The following TMEM272 variants were observed in gnomAD, a reference collection of about 807,000 sequenced individuals.
TMEM272 encodes the protein long intergenic non-protein coding RNA 282.
A neutral mutation model predicts 3.7 loss-of-function variants in TMEM272; 8 were observed. That is an observed-to-expected ratio of 2.17 (90% CI 1.27 to 3.91). The LOEUF (loss-of-function observed/expected upper bound fraction) is 3.91, where lower values mean the gene tolerates loss of function less well. Among genes scored for constraint, TMEM272 ranks in the 30% most tolerant of loss-of-function variants. The pLI is 0.00. For missense variants in TMEM272, 166 were observed against 91.5 expected (o/e 1.81, Z -3.32); for synonymous variants, 63 against 39.8 (o/e 1.58, Z -2.20).
the TMEM272 span, among the ~76,000 whole-genome samples, chr13:51,918,973 C>T: frequency 6.6e-6 from 1 of 151,954 alleles, no homozygotes; most frequent in South Asian, 2.1e-4. Context: ...ATTTTTCTTT[C>T]CTGGACCTCC....
the TMEM272 span, among the ~76,000 whole-genome samples, chr13:51,919,370 A>G: frequency 2.6e-5 from 4 of 152,206 alleles, no homozygotes; most frequent in Non-Finnish European, 5.9e-5. Context: ...TTTAGAAATA[A>G]CAAGTTACAA....
the TMEM272 span, among the ~76,000 whole-genome samples, chr13:51,919,464 G>C: frequency 6.6e-6 from 1 of 152,004 alleles, no homozygotes; most frequent in East Asian, 1.9e-4. Flanking sequence ...TCTGAACTTG[G>C]TATATAGCCC....
intron 2 of TMEM272, among the ~76,000 whole-genome samples, chr13:51,838,223 T>G (rs557613461): frequency 2.6e-5 from 4 of 152,296 alleles, no homozygotes; most frequent in African/African-American, 9.6e-5. Context: ...CACATGCATA[T>G]TTTTCAAACA....
chr13:51,885,924 G>A, the TMEM272 span, among the ~76,000 whole-genome samples: 2 of 152,134 alleles, frequency 1.3e-5, no homozygotes, highest in Admixed American at 6.5e-5. Flanking sequence ...AAAATATAGC[G>A]AGGGCCATAT....
At chr13:51,849,204 A>G (rs1232049195), upstream of TMEM272, among the ~76,000 whole-genome samples, 4 of 152,230 alleles carry the variant, frequency 2.6e-5, no homozygotes, top group Admixed American at 6.5e-5. Context: ...CCCCTGACCC[A>G]TGCTGCAAAC....
At chr13:51,929,405 T>A in the TMEM272 span, among the ~76,000 whole-genome samples, 1 of 152,232 alleles carries the variant, frequency 6.6e-6, no homozygotes, top group Non-Finnish European at 1.5e-5. Context: ...TCCAGCCTCA[T>A]GCTCTTCCCC....
chr13:51,859,505 AACACAC>A, the TMEM272 span, among the ~76,000 whole-genome samples: 4,593 of 129,912 alleles, frequency 0.035, 210 homozygotes, highest in African/African-American at 0.11. Flanking sequence ...CTCCCAACCA[AACACAC>A]ACACACACAC....
chr13:51,934,336 T>G, the TMEM272 span: 1 of 296,252 alleles, frequency 3.4e-6, no homozygotes. Flanking sequence ...CAGACAGGCG[T>G]CATCAGAAAG....
rs1025336060 is a variant in TMEM272, at chr13:51,815,475, G to A, written c.*1276C>T. 6.6e-6 allele frequency: 1 copy of A among 152,526 alleles called. No homozygotes were observed. Among genetic ancestry groups the A allele is most frequent in the African/African-American group, 2.4e-5 (1 of 41,426 alleles). 9.4% of individuals were successfully genotyped at this position (152,526 alleles called of 1,614,324 possible). ...GAGCTGACACTTCTGATGAAGGGAG[G>A]TGCCTCCATTCATGGCCACTCAGGG... On this transcript the variant is annotated 3_prime_UTR_variant, in exon 5 of 5. Coordinates refer to ENST00000629372, the MANE Select transcript of TMEM272 (RefSeq NM_001351003.2).
At chr13:51,869,936 T>C in the TMEM272 span, among the ~76,000 whole-genome samples, 1 of 152,238 alleles carries the variant, frequency 6.6e-6, no homozygotes, top group Admixed American at 6.5e-5. Flanking sequence ...GTTCGGATCC[T>C]TCCGAGGTAG....
the TMEM272 span, among the ~76,000 whole-genome samples, chr13:51,912,972 A>G: frequency 6.6e-6 from 1 of 152,248 alleles, no homozygotes; most frequent in East Asian, 1.9e-4. Flanking sequence ...CAGGACTAAC[A>G]GGTGTCCACT....
At chr13:51,928,123 G>C in the TMEM272 span, among the ~76,000 whole-genome samples, 1 of 151,784 alleles carries the variant, frequency 6.6e-6, no homozygotes, top group Non-Finnish European at 1.5e-5. Flanking sequence ...CTGGTGTCCA[G>C]TAACTGGACA....
At chr13:51,851,848 T>C in the TMEM272 span, among the ~76,000 whole-genome samples, 1 of 152,196 alleles carries the variant, frequency 6.6e-6, no homozygotes, top group African/African-American at 2.4e-5. Flanking sequence ...TACAGCTGCA[T>C]AGTACTTTGC....
At chr13:51,878,452 A>C in the TMEM272 span, among the ~76,000 whole-genome samples, 1 of 151,952 alleles carries the variant, frequency 6.6e-6, no homozygotes, top group African/African-American at 2.4e-5. Context: ...AACAAAACAA[A>C]AACTATCAGA....
intron 4 of TMEM272, among the ~76,000 whole-genome samples, chr13:51,817,832 C>CT (rs1956047231): frequency 1.3e-5 from 2 of 152,148 alleles, no homozygotes; most frequent in Non-Finnish European, 2.9e-5. Flanking sequence ...GGTAGATGGT[C>CT]CCTGACTCCA....
chr13:51,929,545 T>C, the TMEM272 span, among the ~76,000 whole-genome samples: 3 of 152,268 alleles, frequency 2.0e-5, no homozygotes, highest in African/African-American at 7.2e-5. Flanking sequence ...TAAGCCACAC[T>C]GTCCTGCCAA....
At chr13:51,820,885 C>T (rs1299368464) in intron 4 of TMEM272, among the ~76,000 whole-genome samples, 1 of 152,190 alleles carries the variant, frequency 6.6e-6, no homozygotes, top group African/African-American at 2.4e-5. Context: ...CATTTTAGGA[C>T]ACTGCCCACC....
chr13:51,854,621 C>T, the TMEM272 span, among the ~76,000 whole-genome samples: 3 of 152,150 alleles, frequency 2.0e-5, no homozygotes, highest in Admixed American at 6.5e-5. Context: ...CAAATCTAGG[C>T]TCTACTTCTG....
the TMEM272 span, chr13:51,932,877 T>C: frequency 6.6e-6 from 1 of 152,182 alleles, no homozygotes; most frequent in African/African-American, 2.4e-5. Flanking sequence ...ATTCTTTAGA[T>C]AATGATCAGC....
Sources: allele counts gnomAD v4.1 joint callset (sites outside exome capture counted in the v4.1 genomes callset), GRCh38; gene constraint gnomAD v4.1.1; transcripts MANE v1.5; gene names NCBI Gene and HGNC (gene_info 2026-07-23, HGNC 2026-07-21).